Variants in OPCML observed in about 807,000 individuals in gnomAD.
OPCML encodes opioid-binding protein/cell adhesion molecule.
A neutral mutation model predicts 37.8 loss-of-function variants in OPCML; 13 were observed. That is an observed-to-expected ratio of 0.34 (90% CI 0.22 to 0.55). The LOEUF is 0.55. Ranked by LOEUF, OPCML falls within the 20% of genes least tolerant of loss-of-function variation. The probability of loss-of-function intolerance (pLI) is 0.91; values close to 1 mark genes in which losing one functional copy is unlikely to be tolerated. For missense variants in OPCML, 341 were observed against 435.6 expected, an observed-to-expected ratio of 0.78 and a Z score of 1.93; for synonymous variants, 176 against 168.8, an observed-to-expected ratio of 1.04 and a Z score of -0.33.
At position 133,529,796 on chromosome 11, in the gene OPCML, G is replaced by C. The variant is rs559700958; in HGVS notation, c.61+2468C>G. Among the ~76,000 whole-genome samples the C allele has an allele frequency of 1.2e-4, 18 of 152,272 alleles. No individual in the cohort carries two copies. In the East Asian group the frequency reaches 3.5e-3, roughly 29 times the overall value. On this transcript the variant is annotated intron_variant, in intron 1 of 7. Coordinates refer to ENST00000524381, the MANE Select transcript of OPCML (RefSeq NM_001012393.5). ...CATCATTTGAAACAAAGAAAAAAAAGTCTAAAGCTATAACAGGAAGTAAAA... is the reference window on the plus strand; with the variant it reads ...CATCATTTGAAACAAAGAAAAAAAACTCTAAAGCTATAACAGGAAGTAAAA...
At chr11:132,814,372 C>A (rs999379999) in intron 2 of OPCML, among the ~76,000 whole-genome samples, 3 of 152,196 alleles carry the variant, frequency 2.0e-5, no homozygotes, top group Middle Eastern at 6.8e-3. Context: ...CCCAGGAAAA[C>A]CAGTGGTATA....
chr11:132,769,520 C>T (rs540075194), intron 2 of OPCML, among the ~76,000 whole-genome samples: 96 of 152,312 alleles, frequency 6.3e-4, no homozygotes, highest in Non-Finnish European at 1.2e-3. Context: ...ATAGCTCACA[C>T]ACAGCTGCCC....
At chr11:132,851,332 A>G (rs979682437) in intron 2 of OPCML, among the ~76,000 whole-genome samples, 5 of 152,186 alleles carry the variant, frequency 3.3e-5, no homozygotes, top group African/African-American at 1.2e-4. Context: ...TTTTAATACA[A>G]TTAATTTTCT....
chr11:133,465,446 A>G (rs1360837233), intron 1 of OPCML, among the ~76,000 whole-genome samples: 1 of 152,170 alleles, frequency 6.6e-6, no homozygotes, highest in Non-Finnish European at 1.5e-5. Context: ...TATTCTGTCT[A>G]TCACTATGTG....
At chr11:132,989,872 G>A (rs1946744594) in intron 1 of OPCML, among the ~76,000 whole-genome samples, 1 of 152,058 alleles carries the variant, frequency 6.6e-6, no homozygotes, top group African/African-American at 2.4e-5. Flanking sequence ...GCCTTCCACT[G>A]CATCATTAAC....
At position 133,279,462 on chromosome 11, in the gene OPCML, A is replaced by C. The variant is rs369783946; in HGVS notation, c.61+252802T>G. Among the ~76,000 whole-genome samples the C allele has an allele frequency of 1.1e-4, 16 of 152,126 alleles. No individual in the cohort carries two copies. The East Asian group carries it at 1.9e-3, about 18-fold the overall frequency. On this transcript the variant is annotated intron_variant, in intron 1 of 7. Transcript: ENST00000524381. ...TAATTTCCTGTCTTCCAGTCTGAAC[A>C]CTCCTGATAAGCAGCCGTCTGGCTA...
chr11:133,359,556 C>A (rs750082180), intron 1 of OPCML, among the ~76,000 whole-genome samples: 8 of 150,052 alleles, frequency 5.3e-5, no homozygotes, highest in Non-Finnish European at 7.4e-5. Flanking sequence ...AAGTCCCCAC[C>A]CTTATTTGAC....
intron 4 of OPCML, among the ~76,000 whole-genome samples, chr11:132,512,224 A>G (rs77313844): frequency 0.21 from 31,731 of 152,060 alleles, 3,417 homozygotes; most frequent in Non-Finnish European, 0.23. Context: ...CTATACAATG[A>G]CAAGCCTGTG....
In OPCML at chr11:133,208,601, T is replaced by C. The variant is rs1353291982; in HGVS notation, c.62-265591A>G. 1.3e-5 allele frequency among the ~76,000 whole-genome samples: 2 copies of C among 152,204 alleles called. No individual in the cohort carries two copies. The highest frequency in any genetic ancestry group is 2.9e-5 in the Non-Finnish European group (2 of 68,042). On this transcript the variant is annotated intron_variant, in intron 1 of 7. Transcript: ENST00000524381. This position sits in a 1 kb window ranked among gnomAD's most constrained non-coding sequence, Gnocchi z 8.9. Reference sequence around the variant, plus strand: ...AGTTGAAGCAGGAAAAGCTGGATTTTGACACATATTTGACATGCATCTCAC... The same window carrying C: ...AGTTGAAGCAGGAAAAGCTGGATTTCGACACATATTTGACATGCATCTCAC...
chr11:132,671,154 G>A (rs780595171), intron 2 of OPCML, among the ~76,000 whole-genome samples: 10 of 152,216 alleles, frequency 6.6e-5, no homozygotes, highest in Non-Finnish European at 1.2e-4. Flanking sequence ...GACAGATGGC[G>A]GAGAAGGGAT....
chr11:133,021,414 T>C (rs1947448156), intron 1 of OPCML, among the ~76,000 whole-genome samples: 1 of 152,054 alleles, frequency 6.6e-6, no homozygotes, highest in Non-Finnish European at 1.5e-5. Context: ...TGTTTCATAA[T>C]CCAACTTTTC....
chr11:133,474,805 G>T (rs1211580649), intron 1 of OPCML, among the ~76,000 whole-genome samples: 1 of 152,200 alleles, frequency 6.6e-6, no homozygotes, highest in Non-Finnish European at 1.5e-5. Flanking sequence ...AGAGAATATA[G>T]GAGAGGAGGG....
chr11:132,843,579 G>C (rs1941392512), intron 2 of OPCML, among the ~76,000 whole-genome samples: 1 of 149,810 alleles, frequency 6.7e-6, no homozygotes, highest in African/African-American at 2.5e-5. Context: ...TAAAACATCT[G>C]TATCCTTGGC....
Position 133,212,797 on chromosome 11 carries a change from G to T in OPCML, c.62-269787C>A, listed in dbSNP as rs1288775192. On this transcript the variant is annotated intron_variant, in intron 1 of 7. Transcript: ENST00000524381. The surrounding 1 kb of genome is among the most constrained non-coding windows in gnomAD (Gnocchi z 4.9). ...TTCAGACCCCTTGGGACCCAACCTG[G>T]CCCCCTAGCTGTTGAGAGGTAAGAG... Among the ~76,000 whole-genome samples, 1 of 152,130 alleles carries T rather than the reference G, an allele frequency of 6.6e-6. No individual in the cohort carries two copies. The highest frequency in any genetic ancestry group is 2.4e-5 in the African/African-American group (1 of 41,438).
At chr11:133,360,717 A>T (rs2136716122) in intron 1 of OPCML, 1 of 152,348 alleles carries the variant, frequency 6.6e-6, no homozygotes, top group Non-Finnish European at 1.5e-5. Context: ...CTCGTTATTC[A>T]TTGCGTTGAC....
At chr11:133,074,855 C>T (rs1183353288) in intron 1 of OPCML, among the ~76,000 whole-genome samples, 9 of 152,208 alleles carry the variant, frequency 5.9e-5, no homozygotes, top group Admixed American at 5.9e-4. Flanking sequence ...TCAGAAGCCA[C>T]ATCTCTCAGC....
intron 2 of OPCML, among the ~76,000 whole-genome samples, chr11:132,896,050 AG>A (rs1223233943): frequency 3.3e-5 from 5 of 152,202 alleles, no homozygotes; most frequent in Non-Finnish European, 5.9e-5. Flanking sequence ...GGACCCTCAG[AG>A]CCGAGGTCCT....
chr11:132,718,257 C>G (rs918709572), intron 2 of OPCML, among the ~76,000 whole-genome samples: 1 of 152,110 alleles, frequency 6.6e-6, no homozygotes, highest in African/African-American at 2.4e-5. Flanking sequence ...TAAATTTTAT[C>G]CTGTAGCACC....
At chr11:132,556,699 C>T (rs1056885946) in intron 3 of OPCML, among the ~76,000 whole-genome samples, 2 of 152,154 alleles carry the variant, frequency 1.3e-5, no homozygotes, top group African/African-American at 4.8e-5. Context: ...GCCACTTTCT[C>T]CTTCCAGAAC....
Sources: gnomAD v4.1 joint callset for allele counts (sites outside exome capture counted in the v4.1 genomes callset) on GRCh38, gnomAD v4.1.1 for gene constraint, Gnocchi (gnomAD v3.1) non-coding constraint, MANE v1.5 for transcripts, NCBI Gene and HGNC (gene_info 2026-07-23, HGNC 2026-07-21) for gene names.